The following DOCK10 variants were observed in gnomAD, a reference collection of about 807,000 sequenced individuals.
DOCK10 encodes dedicator of cytokinesis 10, also known as dedicator of cytokinesis protein 10.
Under a neutral mutation model 280.1 loss-of-function variants are expected in DOCK10, and 145 were observed. That is an observed-to-expected ratio of 0.52 (90% CI 0.45 to 0.59). DOCK10 has a LOEUF of 0.59. DOCK10 is among the 20% of genes least tolerant of loss of function. DOCK10 has a pLI of 0.00. For missense variants in DOCK10, 2,368 were observed against 2,651.7 expected (o/e 0.89, Z 2.35); for synonymous variants, 915 against 942.2 (o/e 0.97, Z 0.53).
chr2:224,863,645 G>C (rs986438470), intron 13 of DOCK10, among the ~76,000 whole-genome samples: 1 of 151,976 alleles, frequency 6.6e-6, no homozygotes, highest in African/African-American at 2.4e-5. Context: ...GTAGAGACGG[G>C]GTTTCACCAT....
intron 2 of DOCK10, among the ~76,000 whole-genome samples, chr2:224,918,334 G>GGT (rs1050065332): frequency 1.4e-5 from 2 of 140,168 alleles, no homozygotes; most frequent in Admixed American, 7.3e-5. Flanking sequence ...GTGTGTGTGG[G>GGT]GTGTGTGTGT....
At chr2:224,789,883 C>T (rs945380057) in intron 47 of DOCK10, among the ~76,000 whole-genome samples, 1 of 151,882 alleles carries the variant, frequency 6.6e-6, no homozygotes, top group Admixed American at 6.5e-5. Flanking sequence ...CGGGTTCAAG[C>T]GATTCTCCTG....
intron 2 of DOCK10, among the ~76,000 whole-genome samples, chr2:224,919,167 G>T (rs1701537381): frequency 1.3e-5 from 2 of 148,714 alleles, no homozygotes; most frequent in African/African-American, 5.0e-5. Flanking sequence ...GTGTGTGGTG[G>T]GTTTGTATGT....
chr2:224,989,605 T>A (rs1706075076), intron 1 of DOCK10, among the ~76,000 whole-genome samples: 2 of 152,136 alleles, frequency 1.3e-5, no homozygotes, highest in Admixed American at 1.3e-4. Flanking sequence ...TGGGATTTGG[T>A]CATTTTCCAG....
intron 3 of DOCK10, among the ~76,000 whole-genome samples, chr2:224,904,365 C>G (rs1182112769): frequency 6.6e-6 from 1 of 151,980 alleles, no homozygotes; most frequent in African/African-American, 2.4e-5. Flanking sequence ...AAAAATAAAA[C>G]ATACATACAA....
chr2:224,921,092 TAAAAAAAAAAA>T (rs781152272), intron 2 of DOCK10, among the ~76,000 whole-genome samples: 11,087 of 59,592 alleles, frequency 0.19, 1,095 homozygotes, highest in Admixed American at 0.22. Context: ...CCGTCTCTAT[TAAAAAAAAAAA>T]AAAAAAAAAA....
Position 224,765,575 on chromosome 2 carries a change from G to C in DOCK10, c.*146C>G. On this transcript the variant is annotated 3_prime_UTR_variant, in exon 56 of 56. Transcript: ENST00000258390. ...TTATACAAAATGTGCAAATTCAGAG[G>C]TTGGCAAAATTCTGAAGCTAGCGAG... 2 of 572,050 alleles carry C rather than the reference G, an allele frequency of 3.5e-6. No individual in the cohort carries two copies. The highest frequency in any genetic ancestry group is 6.1e-6 in the Non-Finnish European group (2 of 329,898). The allele number at this position is 572,050 out of a possible 1,614,324, so 35.4% of individuals were successfully genotyped here.
intron 25 of DOCK10, among the ~76,000 whole-genome samples, chr2:224,834,511 G>C (rs563828576): frequency 6.6e-6 from 1 of 152,294 alleles, no homozygotes; most frequent in African/African-American, 2.4e-5. Context: ...GAGCCAGAGA[G>C]CCATTTAGCA....
chr2:224,789,115 T>A lies in DOCK10; in HGVS notation c.5367A>T (p.Glu1789Asp), dbSNP rs1239082984. The change falls in exon 48 of 56, where the codon GAA becomes GAT. Residue 1789 changes from glutamate (E) to aspartate (D), a missense_variant. Around this residue, in one of 2 missense-constraint regions of DOCK10, gnomAD observed 1,159 missense variants for 1,400.8 expected, o/e 0.83. Transcript: ENST00000258390. ...CAGAATCCTCTTTCATCGCTCCTTC[T>A]TCCTTAATGTTTGGTGTAATGCTCA... ...AFLSITPNIKEEGAMKEDSGM... is the reference protein window; with the variant it reads ...AFLSITPNIKDEGAMKEDSGM... 4.3e-6 allele frequency: 7 copies of A among 1,613,788 alleles called. No homozygotes were observed. The highest frequency in any genetic ancestry group is 1.6e-4 in the Middle Eastern group (1 of 6,062).
At chr2:224,945,590 A>G (rs1559834485) in intron 1 of DOCK10, among the ~76,000 whole-genome samples, 1 of 152,162 alleles carries the variant, frequency 6.6e-6, no homozygotes, top group Non-Finnish European at 1.5e-5. Context: ...ACCGTCAACT[A>G]ATTGTTAGTA....
At chr2:224,938,474 C>G (rs564864767) in intron 1 of DOCK10, among the ~76,000 whole-genome samples, 9 of 152,256 alleles carry the variant, frequency 5.9e-5, no homozygotes, top group Non-Finnish European at 1.0e-4. Flanking sequence ...TCTTGACACA[C>G]GGACAAGCAA....
At chr2:225,018,353 T>G (rs1689674177) in intron 1 of DOCK10, among the ~76,000 whole-genome samples, 2 of 151,514 alleles carry the variant, frequency 1.3e-5, no homozygotes, top group East Asian at 3.9e-4. Flanking sequence ...AGGGGCCGAG[T>G]GATATGCGTA....
rs1452188200 is a variant in DOCK10 at position 224,796,917 on chromosome 2, G to T, written c.4827+47C>A. ...GTAGGCTTTAAGCACTGCTGAAACA[G>T]ATCAGTGGTTTTAACAACAGCATTA... On this transcript the variant is annotated intron_variant, in intron 43 of 55. Transcript: ENST00000258390. 1.9e-6 allele frequency: 3 copies of T among 1,563,434 alleles called. No individual in the cohort carries two copies. In the South Asian group the frequency reaches 3.5e-5, roughly 18 times the overall value.
At position 224,787,382 on chromosome 2, in the gene DOCK10, G is replaced by T; in HGVS notation, c.5434C>A (p.Gln1812Lys). 6.2e-7 allele frequency: 1 copy of T among 1,613,870 alleles called. No individual in the cohort carries two copies. Among genetic ancestry groups the T allele is most frequent in the East Asian group, 2.2e-5 (1 of 44,886 alleles). Residue 1812 changes from glutamine (Q) to lysine (K), a missense_variant, in exon 49 of 56, where the codon CAG (glutamine) becomes AAG (lysine). By Grantham distance (53) the Gln-to-Lys change is moderately conservative (BLOSUM62 1). Coordinates refer to ENST00000258390, the MANE Select transcript of DOCK10 (RefSeq NM_014689.3). ...TPYNENILVE[Q>K]LYMCVEFLWK... ...AGAAACTCCACACACATGTATAGCT[G>T]CTCCACCAGGATATTCTGCAATTCC...
intron 1 of DOCK10, among the ~76,000 whole-genome samples, chr2:224,990,491 T>C (rs1007132246): frequency 6.6e-6 from 1 of 152,154 alleles, no homozygotes; most frequent in East Asian, 1.9e-4. Flanking sequence ...ACCAAACACA[T>C]GGTAAGAATT....
chr2:224,798,497 T>C (rs1409650428), intron 41 of DOCK10, among the ~76,000 whole-genome samples: 2 of 152,338 alleles, frequency 1.3e-5, no homozygotes, highest in East Asian at 3.9e-4. Flanking sequence ...GACATTTTCA[T>C]GGCCCAATAA....
At chr2:224,817,950 C>T (rs1694243482) in intron 29 of DOCK10, among the ~76,000 whole-genome samples, 1 of 152,168 alleles carries the variant, frequency 6.6e-6, no homozygotes, top group African/African-American at 2.4e-5. Flanking sequence ...GCCTCCTTCA[C>T]AGTGGGTAAA....
chr2:224,982,548 T>C (rs1218649232), intron 1 of DOCK10: 1 of 1,215,580 alleles, frequency 8.2e-7, no homozygotes, highest in African/African-American at 1.6e-5. Flanking sequence ...ATGGGAAAGA[T>C]TTGATCCACG....
intron 1 of DOCK10, among the ~76,000 whole-genome samples, chr2:224,957,185 C>T (rs1704085572): frequency 6.6e-6 from 1 of 152,022 alleles, no homozygotes; most frequent in South Asian, 2.1e-4. Flanking sequence ...CTGTGACAGC[C>T]ACTGAGGTCC....
Sources: allele counts gnomAD v4.1 joint callset (sites outside exome capture counted in the v4.1 genomes callset), GRCh38; gene constraint gnomAD v4.1.1; regional missense constraint gnomAD v4.1.1; transcripts MANE v1.5; gene names NCBI Gene and HGNC (gene_info 2026-07-23, HGNC 2026-07-21).